Variants in RPSA2 observed in about 807,000 individuals in gnomAD.
The protein encoded by RPSA2 is ribosomal protein SA 2.
At chr19:23,821,797 G>A in the RPSA2 span, among the ~76,000 whole-genome samples, 1 of 152,120 alleles carries the variant, frequency 6.6e-6, no homozygotes, top group Non-Finnish European at 1.5e-5. Flanking sequence ...CCTCTTCCAT[G>A]CCCACACCCA....
At chr19:23,777,128 A>G in the RPSA2 span, among the ~76,000 whole-genome samples, 1 of 151,322 alleles carries the variant, frequency 6.6e-6, no homozygotes, top group Non-Finnish European at 1.5e-5. Context: ...TCCTTCAGTT[A>G]TTTTCACAAG....
chr19:23,841,971 A>G, the RPSA2 span, among the ~76,000 whole-genome samples: 1 of 152,148 alleles, frequency 6.6e-6, no homozygotes, highest in Non-Finnish European at 1.5e-5. Context: ...TTGGAAAATG[A>G]AGGCTGTCAT....
At chr19:23,868,860 G>A in the RPSA2 span, among the ~76,000 whole-genome samples, 1,163 of 152,244 alleles carry the variant, frequency 7.6e-3, 18 homozygotes, top group African/African-American at 0.026. Context: ...TCTGGTATGG[G>A]CCATGAGCCA....
the RPSA2 span, among the ~76,000 whole-genome samples, chr19:23,759,126 G>T: frequency 4.6e-5 from 7 of 152,098 alleles, no homozygotes; most frequent in Non-Finnish European, 7.3e-5. Flanking sequence ...CAGGGTATTT[G>T]CCTTTAACCT....
chr19:23,761,906 T>TCCTCCCTCCCTCCCTCCCTCCC, the RPSA2 span, among the ~76,000 whole-genome samples: 1 of 92,138 alleles, frequency 1.1e-5, no homozygotes, highest in East Asian at 4.7e-4. Context: ...ACGTAATTCT[T>TCCTCCCTCCCTCCCTCCCTCCC]TCTTTCTTTC....
chr19:23,796,632 T>C, the RPSA2 span, among the ~76,000 whole-genome samples: 1 of 152,106 alleles, frequency 6.6e-6, no homozygotes, highest in African/African-American at 2.4e-5. Flanking sequence ...TTTGAGCTTC[T>C]TACTCATCTA....
the RPSA2 span, among the ~76,000 whole-genome samples, chr19:23,780,911 C>T: frequency 4.6e-3 from 695 of 152,284 alleles, 1 homozygote; most frequent in Non-Finnish European, 6.6e-3. Flanking sequence ...AGGTTCTGAA[C>T]CTCACTTTTG....
the RPSA2 span, among the ~76,000 whole-genome samples, chr19:23,810,407 AAAAAAAAAAAAAAGGG>A: frequency 1.7e-4 from 1 of 5,796 alleles, no homozygotes; most frequent in East Asian, 0.5. Context: ...AAAAAAAAAA[AAAAAAAAAAAAAAGGG>A]AAAAGGGCTT....
chr19:23,796,854 TTTA>T, the RPSA2 span, among the ~76,000 whole-genome samples: 2 of 694 alleles, frequency 2.9e-3, no homozygotes, highest in Non-Finnish European at 7.3e-3. Context: ...TAGCTAGTGG[TTTA>T]TTTATCTTAT....
chr19:23,842,813 T>C, the RPSA2 span: 3 of 152,308 alleles, frequency 2.0e-5, no homozygotes, highest in Non-Finnish European at 4.4e-5. Flanking sequence ...TTTATTGAAA[T>C]AGAAAAGAAA....
At chr19:23,770,508 C>T in the RPSA2 span, among the ~76,000 whole-genome samples, 149,011 of 152,342 alleles carry the variant, frequency 0.98, 72,969 homozygotes, top group Middle Eastern at 1. Context: ...TCATTGAGTT[C>T]AACACCCATG....
At chr19:23,833,527 G>A in the RPSA2 span, among the ~76,000 whole-genome samples, 1 of 152,204 alleles carries the variant, frequency 6.6e-6, no homozygotes, top group African/African-American at 2.4e-5. Flanking sequence ...TGTAGGTAAG[G>A]TAATTCATAC....
the RPSA2 span, among the ~76,000 whole-genome samples, chr19:23,863,104 T>C: frequency 6.6e-6 from 1 of 152,166 alleles, no homozygotes; most frequent in Admixed American, 6.5e-5. Flanking sequence ...ATGATGAGTG[T>C]GTTTGGCTTA....
the RPSA2 span, among the ~76,000 whole-genome samples, chr19:23,829,939 G>A: frequency 6.6e-6 from 1 of 151,924 alleles, no homozygotes; most frequent in Non-Finnish European, 1.5e-5. Context: ...ATAATTATGT[G>A]TAGCTTTTTG....
At chr19:23,833,770 G>A in the RPSA2 span, among the ~76,000 whole-genome samples, 1 of 152,038 alleles carries the variant, frequency 6.6e-6, no homozygotes, top group African/African-American at 2.4e-5. Flanking sequence ...TGTCTTTAAA[G>A]TGCAGAAGAG....
At chr19:23,762,785 C>A in the RPSA2 span, among the ~76,000 whole-genome samples, 1 of 152,168 alleles carries the variant, frequency 6.6e-6, no homozygotes, top group African/African-American at 2.4e-5. Context: ...CATGTCTCAG[C>A]TTACTTCTTA....
chr19:23,822,367 C>T, the RPSA2 span, among the ~76,000 whole-genome samples: 1 of 152,202 alleles, frequency 6.6e-6, no homozygotes, highest in African/African-American at 2.4e-5. Context: ...GCTGCCTGGG[C>T]TATCCTTTGA....
At chr19:23,838,889 A>G in the RPSA2 span, among the ~76,000 whole-genome samples, 1 of 152,086 alleles carries the variant, frequency 6.6e-6, no homozygotes, top group South Asian at 2.1e-4. Context: ...CTTTTCTGAG[A>G]AGCAGCTCTT....
the RPSA2 span, among the ~76,000 whole-genome samples, chr19:23,821,505 T>C: frequency 6.6e-6 from 1 of 152,180 alleles, no homozygotes; most frequent in African/African-American, 2.4e-5. Flanking sequence ...CTTCCCTGCC[T>C]CCCCCACTTC....
Sources: gnomAD v4.1 joint callset for allele counts (sites outside exome capture counted in the v4.1 genomes callset) on GRCh38, gnomAD v4.1.1 for gene constraint, MANE v1.5 for transcripts, NCBI Gene and HGNC (gene_info 2026-07-23, HGNC 2026-07-21) for gene names.